The following KIAA1217 variants were observed in gnomAD, a reference collection of about 807,000 sequenced individuals.
The protein encoded by KIAA1217 is KIAA1217, also known as sickle tail protein homolog.
KIAA1217 carries 88 observed loss-of-function variants against 163.9 expected under a neutral mutation model. The observed-to-expected ratio is 0.54, with a 90% CI of 0.45 to 0.64. The LOEUF is 0.64. Among genes scored for constraint, KIAA1217 ranks in the 30% least tolerant of loss-of-function variants. KIAA1217 has a pLI of 0.00. For synonymous variants in KIAA1217, 903 were observed against 923.1 expected (o/e 0.98, Z 0.39); for missense variants, 2,372 against 2,475.0 (o/e 0.96, Z 0.88).
At chr10:24,488,233 A>G (rs1351438202) in intron 6 of KIAA1217, among the ~76,000 whole-genome samples, 2 of 152,118 alleles carry the variant, frequency 1.3e-5, no homozygotes, top group African/African-American at 4.8e-5. Context: ...AAATTTCTGT[A>G]GGGGTTGTAA....
intron 8 of KIAA1217, 121 bp from the exon 9 acceptor site, chr10:24,501,258 A>G (rs1201481619): frequency 1.1e-5 from 9 of 808,918 alleles, no homozygotes; most frequent in African/African-American, 1.7e-5. Context: ...ATATATGCAT[A>G]TTTTTTGTAA....
intron 3 of KIAA1217, among the ~76,000 whole-genome samples, chr10:24,402,849 G>A (rs756323562): frequency 6.6e-6 from 1 of 152,158 alleles, no homozygotes; most frequent in Non-Finnish European, 1.5e-5. Context: ...AGGAGATCCA[G>A]TCTGGGCACG....
intron 6 of KIAA1217, among the ~76,000 whole-genome samples, chr10:24,487,220 G>T (rs935333733): frequency 6.6e-6 from 1 of 152,026 alleles, no homozygotes; most frequent in Non-Finnish European, 1.5e-5. Flanking sequence ...CTATTGCTCC[G>T]TCTCCACCAT....
At chr10:24,226,636 C>T (rs1006086533) in intron 2 of KIAA1217, among the ~76,000 whole-genome samples, 1 of 150,638 alleles carries the variant, frequency 6.6e-6, no homozygotes, top group Non-Finnish European at 1.5e-5. Context: ...AGCGAGACTC[C>T]ATCTCAAAAA....
chr10:24,545,930 G>A lies in KIAA1217; in HGVS notation c.5438G>A (p.Ser1813Asn), dbSNP rs143473670. The change falls in exon 21 of 21, where the codon AGT becomes AAT. Residue 1813 changes from serine to asparagine, a missense_variant. Physicochemically the swap from Ser to Asn is conservative, Grantham distance 46 (BLOSUM62 1). Around this residue, in one of 3 missense-constraint regions of KIAA1217, gnomAD observed 690 missense variants for 677.5 expected, o/e 1.02. Transcript: ENST00000376454. ...PALSPSSGKSSSLPSSSGDSS... is the reference protein window; with the variant it reads ...PALSPSSGKSNSLPSSSGDSS... ...CTTTCTCCCAGCTCTGGGAAAAGCA[G>A]TTCTCTGCCCTCTTCTAGTGGTGAC... 6.4e-4 allele frequency: 1,037 copies of A among 1,614,138 alleles called. 6 individuals are homozygous for A. In the South Asian group the frequency reaches 7.0e-3, roughly 11 times the overall value.
intron 2 of KIAA1217, among the ~76,000 whole-genome samples, chr10:24,334,570 G>A (rs1442847608): frequency 3.9e-5 from 6 of 152,054 alleles, no homozygotes; most frequent in African/African-American, 1.4e-4. Context: ...CTTATAATAA[G>A]GACTTATAAA....
chr10:24,229,577 G>T (rs960071295), intron 2 of KIAA1217, among the ~76,000 whole-genome samples: 1 of 152,148 alleles, frequency 6.6e-6, no homozygotes, highest in Non-Finnish European at 1.5e-5. Flanking sequence ...GAGTGCAATG[G>T]CACAATCTCG....
chr10:24,364,392 C>T (rs1396569725), intron 2 of KIAA1217, among the ~76,000 whole-genome samples: 1 of 152,114 alleles, frequency 6.6e-6, no homozygotes, highest in Non-Finnish European at 1.5e-5. Context: ...TAATAAAATC[C>T]AGTTTTCTTT....
intron 2 of KIAA1217, among the ~76,000 whole-genome samples, chr10:24,128,112 G>T (rs893765846): frequency 6.6e-6 from 1 of 152,094 alleles, no homozygotes; most frequent in African/African-American, 2.4e-5. Flanking sequence ...GGATTGAGGC[G>T]GAGTCTGTTG....
intron 1 of KIAA1217, among the ~76,000 whole-genome samples, chr10:23,811,263 A>G (rs915786334): frequency 2.1e-5 from 3 of 145,388 alleles, no homozygotes; most frequent in Admixed American, 7.1e-5. Flanking sequence ...TATATAATAT[A>G]GTATCTATAT....
intron 1 of KIAA1217, among the ~76,000 whole-genome samples, chr10:23,753,462 T>C (rs992692085): frequency 8.5e-5 from 13 of 152,236 alleles, no homozygotes; most frequent in African/African-American, 2.4e-4. Flanking sequence ...GCTACCTACC[T>C]GTTTCTTAGT....
chr10:23,951,223 C>G (rs1729178926), intron 1 of KIAA1217, among the ~76,000 whole-genome samples: 1 of 151,996 alleles, frequency 6.6e-6, no homozygotes, highest in Non-Finnish European at 1.5e-5. Flanking sequence ...GGGGAGTAGC[C>G]AGACAAGTAG....
intron 2 of KIAA1217, among the ~76,000 whole-genome samples, chr10:24,310,369 C>T (rs1025957326): frequency 2.0e-5 from 3 of 152,142 alleles, no homozygotes; most frequent in African/African-American, 7.2e-5. Flanking sequence ...AGTAACATGC[C>T]TAAGGCCACC....
chr10:24,205,807 T>C (rs1310417067), upstream of KIAA1217, among the ~76,000 whole-genome samples: 3 of 151,480 alleles, frequency 2.0e-5, no homozygotes, highest in Non-Finnish European at 1.5e-5. Context: ...AAAGGAAAAA[T>C]TTACATGAAG....
At chr10:24,032,058 A>G (rs1430383755) in intron 2 of KIAA1217, among the ~76,000 whole-genome samples, 1 of 142,142 alleles carries the variant, frequency 7.0e-6, no homozygotes. Context: ...ACAAGTACCT[A>G]CAATTTATGA....
chr10:24,134,191 T>G (rs77274864), intron 2 of KIAA1217, among the ~76,000 whole-genome samples: 4,397 of 152,148 alleles, frequency 0.029, 224 homozygotes, highest in African/African-American at 0.098. Context: ...GATAAAGGGA[T>G]TTAGATGTGC....
chr10:23,700,369 C>G (rs1258975566), intron 1 of KIAA1217, among the ~76,000 whole-genome samples: 1 of 152,190 alleles, frequency 6.6e-6, no homozygotes, highest in Non-Finnish European at 1.5e-5. Flanking sequence ...TTCCCAACCT[C>G]TCTCTGCTTC....
chr10:24,311,569 T>C (rs529578238), intron 2 of KIAA1217, among the ~76,000 whole-genome samples: 7 of 152,290 alleles, frequency 4.6e-5, no homozygotes, highest in African/African-American at 1.7e-4. Context: ...ACATTGCTTT[T>C]TCTTAGCCGA....
intron 2 of KIAA1217, among the ~76,000 whole-genome samples, chr10:24,069,217 G>A (rs532913496): frequency 1.3e-5 from 2 of 152,348 alleles, no homozygotes; most frequent in East Asian, 1.9e-4. Context: ...CAGTACAGGT[G>A]AGACAAAAGC....
Sources: allele counts gnomAD v4.1 joint callset (sites outside exome capture counted in the v4.1 genomes callset), GRCh38; gene constraint gnomAD v4.1.1; regional missense constraint gnomAD v4.1.1; transcripts MANE v1.5; gene names NCBI Gene and HGNC (gene_info 2026-07-23, HGNC 2026-07-21).